Variants in SH3RF3 observed in about 807,000 individuals in gnomAD.
SH3RF3 encodes the protein E3 ubiquitin-protein ligase SH3RF3.
A neutral mutation model predicts 66.3 loss-of-function variants in SH3RF3; 29 were observed. The observed-to-expected ratio is 0.44, with a 90% CI of 0.33 to 0.60. The LOEUF (loss-of-function observed/expected upper bound fraction) is 0.60, where lower values mean the gene tolerates loss of function less well. Ranked by LOEUF, SH3RF3 falls within the 20% of genes least tolerant of loss-of-function variation. SH3RF3 has a pLI of 0.04. For missense variants in SH3RF3, 1,194 were observed against 1,190.9 expected, an observed-to-expected ratio of 1.00 and a Z score of -0.04; for synonymous variants, 583 against 532.0, an observed-to-expected ratio of 1.10 and a Z score of -1.32.
At chr2:109,138,490 T>C (rs1331651700) in intron 1 of SH3RF3, among the ~76,000 whole-genome samples, 7 of 152,248 alleles carry the variant, frequency 4.6e-5, no homozygotes, top group African/African-American at 1.7e-4. Flanking sequence ...TGGTGCTGCA[T>C]TTGCTGGCAA....
intron 1 of SH3RF3, among the ~76,000 whole-genome samples, chr2:109,322,043 G>A (rs1007057049): frequency 1.2e-4 from 18 of 152,086 alleles, no homozygotes; most frequent in Non-Finnish European, 5.9e-5. Flanking sequence ...AGTCACCTTG[G>A]CAACTGGAAG....
At chr2:109,357,056 T>G (rs971668338) in intron 2 of SH3RF3, among the ~76,000 whole-genome samples, 2 of 151,752 alleles carry the variant, frequency 1.3e-5, no homozygotes, top group Non-Finnish European at 2.9e-5. Flanking sequence ...GTTACCTTTT[T>G]AAAATTTTTT....
At position 109,226,949 on chromosome 2, in the gene SH3RF3, C is replaced by T. The variant is rs114833189; in HGVS notation, c.573+96836C>T. On this transcript the variant is annotated intron_variant, in intron 1 of 9. Transcript: ENST00000309415. Reference sequence around the variant, plus strand: ...CTGAGGTAGATGCATCCACCATGGCCGGGTTCATGGCTCAGATGATGCCAT... The same window carrying T: ...CTGAGGTAGATGCATCCACCATGGCTGGGTTCATGGCTCAGATGATGCCAT... 9.9e-3 allele frequency among the ~76,000 whole-genome samples: 1,500 copies of T among 152,244 alleles called. 27 individuals carry two copies. Among genetic ancestry groups the T allele is most frequent in the African/African-American group, 0.033 (1,391 of 41,536 alleles).
At chr2:109,188,253 C>T (rs1391193656) in intron 1 of SH3RF3, among the ~76,000 whole-genome samples, 1 of 152,216 alleles carries the variant, frequency 6.6e-6, no homozygotes, top group Non-Finnish European at 1.5e-5. Context: ...AAAACTCCAC[C>T]GCCACCCCAG....
At chr2:109,266,772 G>GC (rs1680506337) in intron 1 of SH3RF3, among the ~76,000 whole-genome samples, 1 of 152,194 alleles carries the variant, frequency 6.6e-6, no homozygotes, top group Non-Finnish European at 1.5e-5. Context: ...AGACAGGGGT[G>GC]AGCGTGTGCC....
intron 1 of SH3RF3, among the ~76,000 whole-genome samples, chr2:109,177,210 A>G (rs1054696533): frequency 2.6e-5 from 4 of 152,180 alleles, no homozygotes; most frequent in African/African-American, 9.7e-5. Flanking sequence ...TCAGATGCAA[A>G]ACCAGGGACG....
At chr2:109,288,411 G>A (rs1177112281) in intron 1 of SH3RF3, among the ~76,000 whole-genome samples, 1 of 152,248 alleles carries the variant, frequency 6.6e-6, no homozygotes, top group Non-Finnish European at 1.5e-5. Flanking sequence ...GGAGGCATTT[G>A]AATGTGGATA....
At chr2:109,360,060 C>T (rs1432162036) in intron 2 of SH3RF3, among the ~76,000 whole-genome samples, 2 of 108,968 alleles carry the variant, frequency 1.8e-5, no homozygotes, top group Non-Finnish European at 3.9e-5. Context: ...TGTTTCCTTG[C>T]ACCAAAAAAA....
At chr2:109,135,882 A>G (rs574964432) in intron 1 of SH3RF3, among the ~76,000 whole-genome samples, 2 of 152,088 alleles carry the variant, frequency 1.3e-5, no homozygotes, top group South Asian at 4.2e-4. Context: ...AAGGGAAAAA[A>G]CGTCTAAGCC....
chr2:109,493,895 C>CT (rs1483188839), intron 9 of SH3RF3, among the ~76,000 whole-genome samples: 2 of 152,150 alleles, frequency 1.3e-5, no homozygotes, highest in African/African-American at 4.8e-5. Flanking sequence ...CTTCTCTTTC[C>CT]TTCTCTCCTC....
chr2:109,267,958 C>T (rs989843912), intron 1 of SH3RF3, among the ~76,000 whole-genome samples: 1 of 152,000 alleles, frequency 6.6e-6, no homozygotes, highest in African/African-American at 2.4e-5. Context: ...CAGAGCACCC[C>T]AGCTCTCAGC....
At chr2:109,301,216 A>G (rs1013025547) in intron 1 of SH3RF3, among the ~76,000 whole-genome samples, 1 of 152,018 alleles carries the variant, frequency 6.6e-6, no homozygotes, top group Non-Finnish European at 1.5e-5. Context: ...GGCTGATGTC[A>G]GGGGTTTGCT....
chr2:109,167,707 G>A (rs1034775024), intron 1 of SH3RF3, among the ~76,000 whole-genome samples: 2 of 152,140 alleles, frequency 1.3e-5, no homozygotes, highest in African/African-American at 2.4e-5. Flanking sequence ...GAGTAGCTGG[G>A]ACTACAGACA....
At chr2:109,499,534 C>T (rs1299814568) in intron 9 of SH3RF3, among the ~76,000 whole-genome samples, 1 of 152,202 alleles carries the variant, frequency 6.6e-6, no homozygotes, top group Non-Finnish European at 1.5e-5. Flanking sequence ...GGCAAGCATG[C>T]CCCTGTGGAG....
At chr2:109,426,982 T>C (rs867563847) in intron 5 of SH3RF3, among the ~76,000 whole-genome samples, 1 of 150,518 alleles carries the variant, frequency 6.6e-6, no homozygotes, top group Non-Finnish European at 1.5e-5. Context: ...ATATATATTT[T>C]TTTTTGAGAC....
At chr2:109,233,006 G>A (rs574731930) in intron 1 of SH3RF3, among the ~76,000 whole-genome samples, 2 of 152,212 alleles carry the variant, frequency 1.3e-5, no homozygotes, top group African/African-American at 2.4e-5. Flanking sequence ...GCCACCATGT[G>A]CTCAAACCCC....
intron 1 of SH3RF3, among the ~76,000 whole-genome samples, chr2:109,160,219 C>G (rs1434208020): frequency 6.6e-6 from 1 of 152,168 alleles, no homozygotes; most frequent in Admixed American, 6.5e-5. Flanking sequence ...GGATGAACAG[C>G]CAGGTCAGTC....
At chr2:109,203,680 A>G (rs1365516433) in intron 1 of SH3RF3, among the ~76,000 whole-genome samples, 1 of 151,738 alleles carries the variant, frequency 6.6e-6, no homozygotes, top group Non-Finnish European at 1.5e-5. Flanking sequence ...GTCTCTGTGC[A>G]CCCTGCACTT....
intron 7 of SH3RF3, among the ~76,000 whole-genome samples, chr2:109,443,975 A>G (rs1677641199): frequency 6.6e-6 from 1 of 152,228 alleles, no homozygotes; most frequent in Non-Finnish European, 1.5e-5. Context: ...TTACTGAGAT[A>G]GATTATGTAC....
Sources: gnomAD v4.1 joint callset for allele counts (sites outside exome capture counted in the v4.1 genomes callset) on GRCh38, gnomAD v4.1.1 for gene constraint, MANE v1.5 for transcripts, NCBI Gene and HGNC (gene_info 2026-07-23, HGNC 2026-07-21) for gene names.